MAGI2: variants seen among roughly 807,000 people sequenced by gnomAD.
MAGI2 encodes membrane-associated guanylate kinase, WW and PDZ domain-containing protein 2.
A neutral mutation model predicts 133.3 loss-of-function variants in MAGI2; 35 were observed. The observed-to-expected ratio is 0.26, with a 90% CI of 0.20 to 0.35. The LOEUF (loss-of-function observed/expected upper bound fraction) is 0.35. Ranked by LOEUF, MAGI2 falls within the 10% of genes least tolerant of loss-of-function variation. The probability of loss-of-function intolerance (pLI) is 1.00; values close to 1 mark genes in which losing one functional copy is unlikely to be tolerated. For missense variants in MAGI2, 1,636 were observed against 1,863.4 expected (o/e 0.88, Z 2.25); for synonymous variants, 729 against 710.6 (o/e 1.03, Z -0.41).
At chr7:78,838,730 T>C (rs1457777329) in intron 2 of MAGI2, among the ~76,000 whole-genome samples, 1 of 151,870 alleles carries the variant, frequency 6.6e-6, no homozygotes, top group Non-Finnish European at 1.5e-5. Flanking sequence ...AAGGCTACAA[T>C]TAAAATAATA....
chr7:78,858,778 T>C (rs183639619), intron 2 of MAGI2, among the ~76,000 whole-genome samples: 5 of 151,504 alleles, frequency 3.3e-5, no homozygotes, highest in African/African-American at 1.2e-4. Flanking sequence ...CTGAGTTCAA[T>C]TCCTGGATAT....
At chr7:78,803,963 C>G (rs1311478429) in intron 2 of MAGI2, among the ~76,000 whole-genome samples, 4 of 152,176 alleles carry the variant, frequency 2.6e-5, no homozygotes, top group Non-Finnish European at 5.9e-5. Context: ...GTCCTGTTAC[C>G]AATTTCACAT....
chr7:79,276,722 G>A (rs1431681788), intron 1 of MAGI2, among the ~76,000 whole-genome samples: 1 of 152,146 alleles, frequency 6.6e-6, no homozygotes, highest in Non-Finnish European at 1.5e-5. Flanking sequence ...CCAACACTTT[G>A]GGAGGCCAAG....
chr7:79,299,553 T>TA (rs1837216946), intron 1 of MAGI2, among the ~76,000 whole-genome samples: 1 of 1,236 alleles, frequency 8.1e-4, no homozygotes, highest in African/African-American at 1.8e-3. Flanking sequence ...AGACTCCATC[T>TA]CAAAAAAAAA....
At chr7:78,143,669 A>AAGACAGGT (rs1297397697) in intron 16 of MAGI2, among the ~76,000 whole-genome samples, 1 of 152,154 alleles carries the variant, frequency 6.6e-6, no homozygotes, top group East Asian at 1.9e-4. Context: ...ACTGATTATT[A>AAGACAGGT]AGACAGGTAC....
chr7:78,887,843 T>C (rs191987938), intron 2 of MAGI2, among the ~76,000 whole-genome samples: 325 of 152,270 alleles, frequency 2.1e-3, no homozygotes, highest in Middle Eastern at 6.8e-3. Context: ...ACAACTGAGG[T>C]ACCAAGTTCA....
intron 10 of MAGI2, among the ~76,000 whole-genome samples, chr7:78,206,377 C>T (rs1412811350): frequency 2.6e-5 from 4 of 151,242 alleles, no homozygotes; most frequent in Admixed American, 2.0e-4. Context: ...CTGCAACCTC[C>T]GCCTCCCGGG....
chr7:78,747,124 G>A (rs1489452186), intron 2 of MAGI2, among the ~76,000 whole-genome samples: 5 of 152,156 alleles, frequency 3.3e-5, no homozygotes, highest in Admixed American at 6.6e-5. Context: ...AAATTGGGCA[G>A]TTTTCCTAAT....
chr7:79,043,838 T>C (rs181691575), intron 1 of MAGI2, among the ~76,000 whole-genome samples: 7 of 152,018 alleles, frequency 4.6e-5, no homozygotes, highest in African/African-American at 1.7e-4. Context: ...ACTCCCAAGA[T>C]TGAAAGAGCA....
At chr7:78,149,147 C>T (rs574296270) in intron 16 of MAGI2, among the ~76,000 whole-genome samples, 1 of 152,260 alleles carries the variant, frequency 6.6e-6, no homozygotes, top group Non-Finnish European at 1.5e-5. Context: ...TCATGCCAGC[C>T]TCATTTCAAA....
intron 9 of MAGI2, among the ~76,000 whole-genome samples, chr7:78,339,435 A>G (rs1490466413): frequency 6.6e-6 from 1 of 152,242 alleles, no homozygotes; most frequent in Non-Finnish European, 1.5e-5. Context: ...AAAAAGAAAA[A>G]AGATTTTCTA....
At chr7:79,214,440 T>TAA (rs1829825393) in intron 1 of MAGI2, among the ~76,000 whole-genome samples, 3 of 121,332 alleles carry the variant, frequency 2.5e-5, no homozygotes, top group African/African-American at 3.1e-5. Context: ...TATATATATA[T>TAA]ATAAATATGC....
At chr7:79,258,927 C>T (rs1342071269) in intron 1 of MAGI2, among the ~76,000 whole-genome samples, 1 of 152,256 alleles carries the variant, frequency 6.6e-6, no homozygotes, top group African/African-American at 2.4e-5. Context: ...AGCTCATGCT[C>T]TTAACGATTA....
intron 2 of MAGI2, among the ~76,000 whole-genome samples, chr7:78,958,223 G>T (rs1802559872): frequency 6.6e-6 from 1 of 152,034 alleles, no homozygotes; most frequent in Non-Finnish European, 1.5e-5. Flanking sequence ...CTGCTCCTTT[G>T]TCTATGCCAG....
intron 5 of MAGI2, among the ~76,000 whole-genome samples, chr7:78,496,697 C>G (rs144330521): frequency 1.3e-5 from 2 of 152,090 alleles, no homozygotes; most frequent in Non-Finnish European, 2.9e-5. Context: ...TCCAAGGATG[C>G]CTCAAAGTCT....
chr7:78,465,441 T>G (rs903483950), intron 6 of MAGI2, among the ~76,000 whole-genome samples: 53 of 152,214 alleles, frequency 3.5e-4, no homozygotes, highest in Admixed American at 7.2e-4. Flanking sequence ...TATTAACACG[T>G]GCATTTCATT....
intron 16 of MAGI2, among the ~76,000 whole-genome samples, chr7:78,146,686 C>T (rs116923693): frequency 0.024 from 3,580 of 152,272 alleles, 74 homozygotes; most frequent in Middle Eastern, 0.065. Context: ...AAGCACTTTT[C>T]ACACCCATCA....
At chr7:78,677,436 TAAAG>T (rs1815169783) in intron 2 of MAGI2, among the ~76,000 whole-genome samples, 1 of 151,948 alleles carries the variant, frequency 6.6e-6, no homozygotes, top group African/African-American at 2.4e-5. Flanking sequence ...TCTTTTCAGT[TAAAG>T]AAAAAATTTT....
intron 3 of MAGI2, among the ~76,000 whole-genome samples, chr7:78,581,455 A>G (rs1234721767): frequency 6.6e-6 from 1 of 152,186 alleles, no homozygotes; most frequent in African/African-American, 2.4e-5. Flanking sequence ...ATAGCAGTAT[A>G]TGGTTAGAAC....
Sources: allele counts gnomAD v4.1 joint callset (sites outside exome capture counted in the v4.1 genomes callset), GRCh38; gene constraint gnomAD v4.1.1; transcripts MANE v1.5; gene names NCBI Gene and HGNC (gene_info 2026-07-23, HGNC 2026-07-21).